Variants in FOXO1 observed in about 807,000 individuals in gnomAD.
FOXO1 encodes forkhead box O1.
Under a neutral mutation model 44.1 loss-of-function variants are expected in FOXO1, and 6 were observed. That is an observed-to-expected ratio of 0.14 (90% confidence interval 0.07 to 0.27). The LOEUF is 0.27. Ranked by LOEUF, FOXO1 falls within the 10% of genes least tolerant of loss-of-function variation. FOXO1 has a pLI of 1.00. For missense variants in FOXO1, 737 were observed against 888.8 expected, an observed-to-expected ratio of 0.83 and a Z score of 2.17; for synonymous variants, 380 against 362.7, an observed-to-expected ratio of 1.05 and a Z score of -0.54.
At position 40,565,436 on chromosome 13, in the gene FOXO1, C is replaced by T. The variant is rs187734490; in HGVS notation, c.631-4576G>A. ...CCAGCTTCTGTCTCAGCCCAACTGG[C>T]CCCTCCAGAAGCATTTCTTGATGAC... On this transcript the variant is annotated intron_variant, in intron 1 of 2. Coordinates refer to ENST00000379561, the MANE Select transcript of FOXO1 (RefSeq NM_002015.4). Among the ~76,000 whole-genome samples, 4 of 152,274 alleles carry T rather than the reference C, an allele frequency of 2.6e-5. No individual in the cohort carries two copies. The East Asian group carries it at 5.8e-4, about 22-fold the overall frequency.
chr13:40,615,783 G>A (rs181321629), intron 1 of FOXO1, among the ~76,000 whole-genome samples: 11 of 152,288 alleles, frequency 7.2e-5, no homozygotes, highest in Admixed American at 3.9e-4. Flanking sequence ...GATGCATGGC[G>A]TGAAAGGAGG....
intron 1 of FOXO1, among the ~76,000 whole-genome samples, chr13:40,564,952 G>A (rs566914814): frequency 2.9e-4 from 44 of 150,766 alleles, no homozygotes; most frequent in Admixed American, 2.8e-3. Flanking sequence ...GGGGAGTCGG[G>A]GAACCCCGAC....
intron 1 of FOXO1, among the ~76,000 whole-genome samples, chr13:40,612,862 A>G (rs922451331): frequency 1.3e-5 from 2 of 152,198 alleles, no homozygotes; most frequent in Non-Finnish European, 2.9e-5. Flanking sequence ...AGGGTCTGAT[A>G]CTATCCAGTT....
intron 1 of FOXO1, chr13:40,618,906 G>T: frequency 1.9e-6 from 1 of 525,030 alleles, no homozygotes; most frequent in Non-Finnish European, 3.8e-6. Flanking sequence ...AATCTTTTAG[G>T]CTCCCCTAGA....
chr13:40,606,587 C>G (rs1426556470), intron 1 of FOXO1, among the ~76,000 whole-genome samples: 9 of 152,146 alleles, frequency 5.9e-5, no homozygotes, highest in Admixed American at 5.9e-4. Flanking sequence ...TGCCAGGATT[C>G]CAGGTGTAAG....
At chr13:40,617,472 A>G (rs1281942930) in intron 1 of FOXO1, among the ~76,000 whole-genome samples, 1 of 152,098 alleles carries the variant, frequency 6.6e-6, no homozygotes, top group East Asian at 1.9e-4. Context: ...GTTACTAAGA[A>G]TGTTTACTAC....
chr13:40,653,365 G>A (rs1877748019), intron 1 of FOXO1, among the ~76,000 whole-genome samples: 1 of 152,124 alleles, frequency 6.6e-6, no homozygotes, highest in African/African-American at 2.4e-5. Flanking sequence ...CTGTGCTGGG[G>A]ATTCCTCACT....
intron 1 of FOXO1, among the ~76,000 whole-genome samples, chr13:40,614,713 TG>T (rs933756249): frequency 2.6e-5 from 4 of 152,160 alleles, no homozygotes; most frequent in Non-Finnish European, 5.9e-5. Context: ...TAAACAAATG[TG>T]AACCAGAAAG....
intron 1 of FOXO1, among the ~76,000 whole-genome samples, chr13:40,586,560 G>C (rs927845398): frequency 6.6e-6 from 1 of 152,150 alleles, no homozygotes; most frequent in Non-Finnish European, 1.5e-5. Flanking sequence ...GCACCAAATG[G>C]GAAATAGTGT....
chr13:40,659,172 A>G, intron 1 of FOXO1, among the ~76,000 whole-genome samples: 1 of 148,066 alleles, frequency 6.8e-6, no homozygotes, highest in Admixed American at 6.7e-5. Context: ...AAAATTATCC[A>G]GGTGTGGTGG....
chr13:40,572,097 C>T (rs559835272), intron 1 of FOXO1, among the ~76,000 whole-genome samples: 21 of 152,196 alleles, frequency 1.4e-4, no homozygotes, highest in Admixed American at 9.8e-4. Flanking sequence ...GGTATGTTCC[C>T]GAATTGTTTA....
At position 40,652,406 on chromosome 13, in the gene FOXO1, T is replaced by A. The variant is rs571019195; in HGVS notation, c.630+13177A>T. 6.1e-4 allele frequency among the ~76,000 whole-genome samples: 92 copies of A among 152,056 alleles called. 1 individual carries two copies. Among genetic ancestry groups the A allele is most frequent in the African/African-American group, 2.1e-3 (87 of 41,458 alleles). ...GGGTCCGCCAACACGCCTGGCTAAT[T>A]TTTGCATTTTTAGTAAACACGAGGT... On this transcript the variant is annotated intron_variant, in intron 1 of 2. Coordinates refer to ENST00000379561, the MANE Select transcript of FOXO1 (RefSeq NM_002015.4).
At chr13:40,640,975 G>A (rs1259692684) in intron 1 of FOXO1, among the ~76,000 whole-genome samples, 1 of 152,142 alleles carries the variant, frequency 6.6e-6, no homozygotes, top group Non-Finnish European at 1.5e-5. Flanking sequence ...GTAGAGACAA[G>A]ATTTCACCAT....
At chr13:40,633,113 C>T (rs2137914589) in intron 1 of FOXO1, among the ~76,000 whole-genome samples, 1 of 152,306 alleles carries the variant, frequency 6.6e-6, no homozygotes, top group East Asian at 1.9e-4. Flanking sequence ...TAACAAGTGT[C>T]ATCAAGGTTG....
chr13:40,643,915 T>C (rs1877433258), intron 1 of FOXO1, among the ~76,000 whole-genome samples: 1 of 152,218 alleles, frequency 6.6e-6, no homozygotes, highest in African/African-American at 2.4e-5. Context: ...CAGATGACGA[T>C]GCTAGTACCG....
chr13:40,600,217 T>C (rs1256060051), intron 1 of FOXO1, among the ~76,000 whole-genome samples: 2 of 151,988 alleles, frequency 1.3e-5, no homozygotes, highest in Non-Finnish European at 1.5e-5. Context: ...CCCCACTGAG[T>C]TGACAAATTA....
chr13:40,568,406 C>A (rs956072461), intron 1 of FOXO1, among the ~76,000 whole-genome samples: 6 of 152,186 alleles, frequency 3.9e-5, no homozygotes, highest in African/African-American at 1.4e-4. Flanking sequence ...TACACCAGCT[C>A]TTCCTGCACT....
intron 1 of FOXO1, among the ~76,000 whole-genome samples, chr13:40,584,667 T>C (rs1189310172): frequency 6.6e-6 from 1 of 151,968 alleles, no homozygotes; most frequent in Admixed American, 6.6e-5. Flanking sequence ...ATTATATATA[T>C]ATTTGGATAT....
intron 1 of FOXO1, among the ~76,000 whole-genome samples, chr13:40,574,925 T>G (rs528226981): frequency 6.6e-6 from 1 of 152,174 alleles, no homozygotes; most frequent in Non-Finnish European, 1.5e-5. Context: ...TGTTCGAAAA[T>G]TGCTTGCTAT....
Sources: gnomAD v4.1 joint callset for allele counts (sites outside exome capture counted in the v4.1 genomes callset) on GRCh38, gnomAD v4.1.1 for gene constraint, MANE v1.5 for transcripts, NCBI Gene and HGNC (gene_info 2026-07-23, HGNC 2026-07-21) for gene names.